The following GRAMD2B variants were observed in gnomAD, a reference collection of about 807,000 sequenced individuals.
GRAMD2B encodes the protein GRAM domain containing 2B, also known as GRAM domain-containing protein 2B.
In GRAMD2B, 41 loss-of-function variants were observed where a neutral mutation model predicts 59.2. The ratio of observed to expected loss-of-function variants is 0.69; its 90% CI spans 0.54 to 0.90. GRAMD2B has a LOEUF of 0.90. Among genes scored for constraint, GRAMD2B ranks in the 40% least tolerant of loss-of-function variants. The pLI, the probability that GRAMD2B is intolerant of heterozygous loss-of-function variation, is 0.00. For missense variants in GRAMD2B, 424 were observed against 500.5 expected, an observed-to-expected ratio of 0.85 and a Z score of 1.46; for synonymous variants, 161 against 182.7, an observed-to-expected ratio of 0.88 and a Z score of 0.96.
chr5:126,429,933 A>T (rs1167170373), intron 1 of GRAMD2B, among the ~76,000 whole-genome samples: 1 of 152,192 alleles, frequency 6.6e-6, no homozygotes, highest in African/African-American at 2.4e-5. Flanking sequence ...TCTATCCATC[A>T]TCCACTGATT....
rs144426969 is a variant in GRAMD2B at position 126,485,205 on chromosome 5, T to C, written c.971-481T>C. ...CCTATCTCTACAAAAAAGTTAAAAA[T>C]CAGCTGGGTGTGGTACATGTTTGTA... On this transcript the variant is annotated intron_variant, in intron 10 of 13. Transcript: ENST00000285689. Among the ~76,000 whole-genome samples the C allele has an allele frequency of 3.2e-4, 49 of 152,044 alleles. 2 individuals are homozygous for C. The East Asian group carries it at 9.3e-3, about 29-fold the overall frequency.
chr5:126,423,192 TAGAAAACAAAAAGCTTAATTTAC>T (rs1353793425), upstream of GRAMD2B: 1 of 1,010,944 alleles, frequency 9.9e-7, no homozygotes, highest in Non-Finnish European at 1.2e-6. Flanking sequence ...ACAGTCGGGA[TAGAAAACAAAAAGCTTAATTTAC>T]CAGGAGGCTA....
intron 1 of GRAMD2B, among the ~76,000 whole-genome samples, chr5:126,414,752 A>G (rs1759113337): frequency 6.6e-6 from 1 of 152,158 alleles, no homozygotes; most frequent in African/African-American, 2.4e-5. Context: ...TACAGGCATG[A>G]GCCACCATGC....
At chr5:126,431,001 A>C (rs1261930583) in intron 1 of GRAMD2B, among the ~76,000 whole-genome samples, 1 of 152,226 alleles carries the variant, frequency 6.6e-6, no homozygotes, top group Non-Finnish European at 1.5e-5. Context: ...AAAGAAATAC[A>C]TGTATAAAGT....
intron 1 of GRAMD2B, among the ~76,000 whole-genome samples, chr5:126,387,225 A>G (rs1169923458): frequency 2.0e-5 from 3 of 152,036 alleles, no homozygotes; most frequent in South Asian, 2.1e-4. Flanking sequence ...GGGAAAGAAA[A>G]ACCACCAATA....
chr5:126,464,061 G>T (rs1279657197), intron 1 of GRAMD2B, among the ~76,000 whole-genome samples: 2 of 152,026 alleles, frequency 1.3e-5, no homozygotes, highest in African/African-American at 2.4e-5. Context: ...ACCATCTGTG[G>T]GTGTTATTAG....
intron 1 of GRAMD2B, among the ~76,000 whole-genome samples, chr5:126,391,346 A>G (rs1299548509): frequency 6.7e-6 from 1 of 149,762 alleles, no homozygotes; most frequent in Non-Finnish European, 1.5e-5. Context: ...AAAAACTTGT[A>G]CACTGTTATT....
chr5:126,445,405 G>A (rs1049590074), intron 1 of GRAMD2B: 4 of 152,094 alleles, frequency 2.6e-5, no homozygotes, highest in African/African-American at 9.7e-5. Flanking sequence ...GTGTGAGATG[G>A]TATCTCATTG....
At chr5:126,394,858 T>A (rs1200336248) in intron 1 of GRAMD2B, among the ~76,000 whole-genome samples, 3 of 152,022 alleles carry the variant, frequency 2.0e-5, no homozygotes, top group Non-Finnish European at 4.4e-5. Flanking sequence ...CATAAATATG[T>A]TTTTTTTCTG....
intron 13 of GRAMD2B, among the ~76,000 whole-genome samples, chr5:126,491,178 A>G (rs991746205): frequency 6.6e-6 from 1 of 152,044 alleles, no homozygotes; most frequent in Non-Finnish European, 1.5e-5. Context: ...TGTGTGTGTC[A>G]TCGTAGGTGT....
intron 1 of GRAMD2B, among the ~76,000 whole-genome samples, chr5:126,454,518 TAAC>T (rs1175024126): frequency 6.6e-6 from 1 of 152,210 alleles, no homozygotes; most frequent in African/African-American, 2.4e-5. Flanking sequence ...ATCAGAATCT[TAAC>T]AATTAATTGC....
In GRAMD2B at chr5:126,465,563, T is replaced by C. The variant is rs749028793; in HGVS notation, c.203+18T>C. On this transcript the variant is annotated intron_variant, in intron 2 of 13. Coordinates refer to ENST00000285689, the MANE Select transcript of GRAMD2B (RefSeq NM_023927.4). ...AGCCTATGGTAAGTCCTCCGTTGAC[T>C]CTCTTTGTTCTCTTTTGTCTTTTGG... 14 of 1,606,664 alleles carry C rather than the reference T, an allele frequency of 8.7e-6. No individual in the cohort carries two copies. The highest frequency in any genetic ancestry group is 1.0e-5 in the Non-Finnish European group (12 of 1,177,132).
chr5:126,429,348 A>C (rs1019879846), intron 1 of GRAMD2B, among the ~76,000 whole-genome samples: 1 of 152,188 alleles, frequency 6.6e-6, no homozygotes, highest in Admixed American at 6.5e-5. Context: ...ACACATGGAC[A>C]CACAGAGGGG....
intron 1 of GRAMD2B, among the ~76,000 whole-genome samples, chr5:126,447,572 G>T (rs545771111): frequency 9.2e-5 from 14 of 151,812 alleles, no homozygotes; most frequent in Non-Finnish European, 1.5e-4. Context: ...GCTGAGGCAG[G>T]AGAATGGCGT....
chr5:126,464,165 T>G lies in GRAMD2B; in HGVS notation c.84-1261T>G, dbSNP rs113892634. Among the ~76,000 whole-genome samples the G allele has an allele frequency of 6.4e-3, 970 of 152,322 alleles. 11 individuals are homozygous for G. Among genetic ancestry groups the G allele is most frequent in the African/African-American group, 0.022 (930 of 41,560 alleles). ...AATTTTCATATGCTGTGAAAAGTGA[T>G]CAGCAAAGCAACCACACAGCTTAAA... is the stretch of plus-strand genomic sequence containing the variant. On this transcript the variant is annotated intron_variant, in intron 1 of 13. Transcript: ENST00000285689.
intron 1 of GRAMD2B, among the ~76,000 whole-genome samples, chr5:126,426,718 T>G (rs1424635477): frequency 6.6e-6 from 1 of 152,228 alleles, no homozygotes; most frequent in Non-Finnish European, 1.5e-5. Flanking sequence ...AATACGCTTG[T>G]AGCTGACATT....
intron 1 of GRAMD2B, among the ~76,000 whole-genome samples, chr5:126,398,785 T>C (rs1460725773): frequency 3.3e-5 from 5 of 152,206 alleles, no homozygotes; most frequent in Admixed American, 3.3e-4. Context: ...TCATAGGTTT[T>C]GGTATGTTGT....
At chr5:126,463,475 A>C (rs1767734889) in intron 1 of GRAMD2B, among the ~76,000 whole-genome samples, 1 of 152,298 alleles carries the variant, frequency 6.6e-6, no homozygotes, top group Admixed American at 6.5e-5. Flanking sequence ...CACAAATTAA[A>C]CTTGGTGCTA....
chr5:126,376,799 G>A (rs1755224918), intron 1 of GRAMD2B, among the ~76,000 whole-genome samples: 1 of 152,136 alleles, frequency 6.6e-6, no homozygotes, highest in African/African-American at 2.4e-5. Flanking sequence ...TGGGTGTGGA[G>A]CAGGTATTTC....
Sources: gnomAD v4.1 joint callset for allele counts (sites outside exome capture counted in the v4.1 genomes callset) on GRCh38, gnomAD v4.1.1 for gene constraint, MANE v1.5 for transcripts, NCBI Gene and HGNC (gene_info 2026-07-23, HGNC 2026-07-21) for gene names.